The following MUC12 variants were observed in gnomAD, a reference collection of about 807,000 sequenced individuals.
The protein encoded by MUC12 is mucin-12.
MUC12 carries 172 observed loss-of-function variants against 230.8 expected under a neutral mutation model. The ratio of observed to expected loss-of-function variants is 0.75; its 90% CI spans 0.66 to 0.85. The LOEUF (loss-of-function observed/expected upper bound fraction) is 0.85, where lower values mean the gene tolerates loss of function less well. Ranked by LOEUF, MUC12 falls within the 40% of genes least tolerant of loss-of-function variation. The pLI is 0.00. For missense variants in MUC12, 3,506 were observed against 5,920.6 expected, an observed-to-expected ratio of 0.59 and a Z score of 13.38; for synonymous variants, 1,259 against 2,401.9, an observed-to-expected ratio of 0.52 and a Z score of 13.91.
rs183463642 is a variant in MUC12 at position 100,991,150 on chromosome 7, C to T, written c.587C>T (p.Ser196Phe). 1.7e-3 allele frequency: 2,679 copies of T among 1,537,816 alleles called. 22 individuals are homozygous for T. Among genetic ancestry groups the T allele is most frequent in the Middle Eastern group, 9.2e-3 (55 of 5,994 alleles). ...MPGVSQESTA[S>F]HSIPGSTDTT... ...GGCGTCAGTCAGGAATCTACAGCTT[C>T]CCACAGCATCCCCGGCTCCACAGAC... The change falls in exon 2 of 12, where the codon TCC (serine) becomes TTC (phenylalanine). Residue 196 changes from serine (S) to phenylalanine (F), a missense_variant. Coordinates refer to ENST00000536621, the MANE Select transcript of MUC12 (RefSeq NM_001164462.2).
At chr7:101,014,235 CA>C in intron 9 of MUC12, 161 bp downstream of exon 9, 1 of 727,736 alleles carries the variant, frequency 1.4e-6, no homozygotes, top group Non-Finnish European at 2.1e-6. Context: ...CTGGGTGCAG[CA>C]AAGGGCGGCC....
chr7:101,014,301 A>C (rs1031665362), intron 9 of MUC12: 7 of 427,440 alleles, frequency 1.6e-5, no homozygotes, highest in Admixed American at 1.3e-4. Context: ...TGCTATTATA[A>C]CAGAATACCA....
chr7:101,015,428 GC>G (rs1793900820), intron 9 of MUC12, 186 bp from the exon 10 acceptor site: 1 of 594,248 alleles, frequency 1.7e-6, no homozygotes, highest in Admixed American at 2.9e-5. Context: ...AGGAGGCCTG[GC>G]CAGTGCTTGC....
intron 1 of MUC12, 54 bp from the exon 2 acceptor site, chr7:100,990,577 A>T: frequency 1.3e-6 from 2 of 1,532,418 alleles, no homozygotes; most frequent in Middle Eastern, 1.7e-4. Flanking sequence ...GCCACCAAAC[A>T]TGAGGAGACA....
chr7:100,975,007 T>A (rs1792998402), intron 1 of MUC12, among the ~76,000 whole-genome samples: 1 of 152,292 alleles, frequency 6.6e-6, no homozygotes, highest in Non-Finnish European at 1.5e-5. Flanking sequence ...AGCCTCTCTT[T>A]GGTGGAAGAC....
At chr7:101,009,042 G>A (rs1171324492) in intron 4 of MUC12, 53 bp from the exon 5 acceptor site, 9 of 1,522,874 alleles carry the variant, frequency 5.9e-6, no homozygotes, top group Middle Eastern at 2.0e-4. Flanking sequence ...AGGGTAACAG[G>A]AGAGTCTTCA....
intron 1 of MUC12, among the ~76,000 whole-genome samples, chr7:100,988,774 T>C (rs1450107999): frequency 2.0e-5 from 3 of 152,108 alleles, no homozygotes; most frequent in African/African-American, 7.2e-5. Context: ...TCAAATCTCA[T>C]CTTGAATTGT....
At chr7:101,013,303 C>G (rs985516739) in intron 8 of MUC12, among the ~76,000 whole-genome samples, 161 bp downstream of exon 8, 6 of 152,322 alleles carry the variant, frequency 3.9e-5, no homozygotes, top group East Asian at 1.9e-4. Context: ...TCCCACCCCC[C>G]ACACCCACAA....
Position 101,004,474 on chromosome 7 carries a change from AAC to A in MUC12, c.13919_13920del (p.Thr4640AsnfsTer6), listed in dbSNP as rs2116341708. On this transcript the variant is annotated frameshift_variant, in exon 2 of 12. Coordinates refer to ENST00000536621, the MANE Select transcript of MUC12 (RefSeq NM_001164462.2). LOFTEE classifies it high-confidence loss of function. ...EESRTSHSST[T>X]HTISSPPSTT... ...AATCAAGAACTTCCCACAGCAGCACAACACACACAATATCTTCACCTCCTAGC... is the reference window on the plus strand; with the variant it reads ...AATCAAGAACTTCCCACAGCAGCACAACACACAATATCTTCACCTCCTAGC... The A allele has an allele frequency of 2.0e-6, 3 of 1,530,578 alleles. No homozygotes were observed. The highest frequency in any genetic ancestry group is 2.6e-6 in the Non-Finnish European group (3 of 1,145,224). The allele number at this position is 1,530,578 out of a possible 1,614,324, so 94.8% of individuals were successfully genotyped here. A position where few individuals can be genotyped will look rare whatever the true frequency, so the allele number is the denominator to read the frequency against.
chr7:100,977,157 C>T (rs1053314047), intron 1 of MUC12, among the ~76,000 whole-genome samples: 4 of 151,174 alleles, frequency 2.6e-5, no homozygotes. Flanking sequence ...CTCCAGGGTC[C>T]CCATTTTTTA....
intron 1 of MUC12, among the ~76,000 whole-genome samples, chr7:100,971,231 C>T (rs754914796): frequency 2.0e-5 from 3 of 152,194 alleles, no homozygotes; most frequent in African/African-American, 4.8e-5. Context: ...GACAGAGGCT[C>T]AGGGGTCCTT....
intron 5 of MUC12, 91 bp from the exon 6 acceptor site, chr7:101,012,205 C>A: frequency 7.3e-7 from 1 of 1,376,612 alleles, no homozygotes; most frequent in Non-Finnish European, 9.8e-7. Flanking sequence ...CACATGGCAG[C>A]TTCATCTCCC....
At chr7:101,007,099 G>C (rs12670970) in intron 3 of MUC12, among the ~76,000 whole-genome samples, 115,084 of 152,028 alleles carry the variant, frequency 0.76, 43,700 homozygotes, top group East Asian at 0.81. Context: ...GTTGAGATTA[G>C]AGGCATGGGC....
chr7:100,992,071 C>G lies in MUC12; in HGVS notation c.1508C>G (p.Pro503Arg), dbSNP rs1271440950. Residue 503 changes from proline (P) to arginine (R), a missense_variant, in exon 2 of 12, where the codon CCA (proline) becomes CGA (arginine). By Grantham distance (103) the Pro-to-Arg change is moderately radical. Transcript: ENST00000536621. ...STTFYSSPRS[P>R]DTTHLPASMT... is the part of the protein sequence containing the mutation. ...ACTTTCTACAGTAGCCCCAGATCACCAGACACAACACACTTACCTGCCAGC... is the reference window on the plus strand; with the variant it reads ...ACTTTCTACAGTAGCCCCAGATCACGAGACACAACACACTTACCTGCCAGC... 2.0e-6 allele frequency: 3 copies of G among 1,537,322 alleles called. No homozygotes were observed. The highest frequency in any genetic ancestry group is 3.9e-5 in the Admixed American group (2 of 50,906).
Position 101,004,560 on chromosome 7 carries a change from C to G in MUC12, c.13997C>G (p.Ala4666Gly). ...TACCACAGCAGCCCGGGCTCAATTG[C>G]AACAACACACTTTCCTGAGAGCTCC... ...TSYHSSPGSI[A>G]TTHFPESSTT... The change falls in exon 2 of 12, where the codon GCA (alanine) becomes GGA (glycine). Residue 4666 changes from alanine to glycine, a missense_variant. By Grantham distance (60) the Ala-to-Gly change is moderately conservative. Transcript: ENST00000536621. 2 of 1,537,194 alleles carry G rather than the reference C, an allele frequency of 1.3e-6. No homozygotes were observed. The highest frequency in any genetic ancestry group is 1.7e-6 in the Non-Finnish European group (2 of 1,146,812).
At position 101,004,394 on chromosome 7, in the gene MUC12, T is replaced by C. The variant is rs1409265639; in HGVS notation, c.13831T>C (p.Ser4611Pro). 5.5e-5 allele frequency: 81 copies of C among 1,484,520 alleles called. No homozygotes were observed. The highest frequency in any genetic ancestry group is 7.2e-5 in the Non-Finnish European group (81 of 1,125,190). 92.0% of individuals were successfully genotyped at this position (1,484,520 alleles called of 1,614,324 possible). A position where few individuals can be genotyped will look rare whatever the true frequency, so the allele number is the denominator to read the frequency against. Residue 4611 changes from serine (S) to proline (P), a missense_variant, in exon 2 of 12, where the codon TCA (serine) becomes CCA (proline). Coordinates refer to ENST00000536621, the MANE Select transcript of MUC12 (RefSeq NM_001164462.2). ...ESTAYHSSPG[S>P]TQTMHFPESS... Reference sequence around the variant, plus strand: ...TACGGCGTACCACAGCAGCCCGGGCTCAACTCAAACAATGCACTTCCCTGA... The same window carrying C: ...TACGGCGTACCACAGCAGCCCGGGCCCAACTCAAACAATGCACTTCCCTGA...
rs76020410 is a variant in MUC12 at position 101,004,695 on chromosome 7, C to G, written c.14132C>G (p.Ser4711Cys). 5,518 of 1,537,886 alleles carry G rather than the reference C, an allele frequency of 3.6e-3. 14 individuals carry two copies. Among genetic ancestry groups the G allele is most frequent in the Middle Eastern group, 4.2e-3 (25 of 5,996 alleles). ...ACTACCTCAGGCCGCATTGCAGAAT[C>G]TACCACCTTCTATATCTCTCCAGGC... ...HFTTSGRIAESTTFYISPGSM... is the reference protein window; with the variant it reads ...HFTTSGRIAECTTFYISPGSM... Residue 4711 changes from serine (S) to cysteine (C), a missense_variant, in exon 2 of 12, where the codon TCT becomes TGT. Coordinates refer to ENST00000536621, the MANE Select transcript of MUC12 (RefSeq NM_001164462.2).
At chr7:100,970,162 T>C (rs1280919437) in intron 1 of MUC12, among the ~76,000 whole-genome samples, 1 of 152,302 alleles carries the variant, frequency 6.6e-6, no homozygotes, top group African/African-American at 2.4e-5. Flanking sequence ...TGGAGTAGCC[T>C]CAGGTGCACC....
At chr7:100,971,531 C>A (rs112438240) in intron 1 of MUC12, among the ~76,000 whole-genome samples, 17,500 of 142,366 alleles carry the variant, frequency 0.12, 48 homozygotes, top group African/African-American at 0.23. Flanking sequence ...TGCCTCTGCC[C>A]GCCAAGCCTT....
Sources: allele counts gnomAD v4.1 joint callset (sites outside exome capture counted in the v4.1 genomes callset), GRCh38; gene constraint gnomAD v4.1.1; transcripts MANE v1.5; gene names NCBI Gene and HGNC (gene_info 2026-07-23, HGNC 2026-07-21).